The following ANKRD18A variants were observed in gnomAD, a reference collection of about 807,000 sequenced individuals.
ANKRD18A encodes ankyrin repeat domain-containing protein 18A.
ANKRD18A carries 72 observed loss-of-function variants against 110.6 expected under a neutral mutation model. The observed-to-expected ratio is 0.65, with a 90% CI of 0.54 to 0.79. ANKRD18A has a LOEUF of 0.79. ANKRD18A is among the 30% of genes least tolerant of loss of function. The pLI, the probability that ANKRD18A is intolerant of heterozygous loss-of-function variation, is 0.00. For synonymous variants in ANKRD18A, 305 were observed against 410.3 expected, an observed-to-expected ratio of 0.74 and a Z score of 3.10; for missense variants, 934 against 1,163.3, an observed-to-expected ratio of 0.80 and a Z score of 2.87.
At chr9:38,596,436 C>A in intron 8 of ANKRD18A, 33 bp from the exon 9 acceptor site, 1 of 1,391,276 alleles carries the variant, frequency 7.2e-7, no homozygotes, top group South Asian at 1.7e-5. Flanking sequence ...TTAGTTAGCA[C>A]TCAATAAAAT....
At chr9:38,607,323 C>G (rs1825405753) in intron 6 of ANKRD18A, 103 bp downstream of exon 6, 1 of 937,138 alleles carries the variant, frequency 1.1e-6, no homozygotes, top group African/African-American at 1.8e-5. Flanking sequence ...TCCCAAAGTG[C>G]TGGGATTACA....
At chr9:38,587,388 A>C (rs1824432780) in intron 11 of ANKRD18A, among the ~76,000 whole-genome samples, 1 of 152,150 alleles carries the variant, frequency 6.6e-6, no homozygotes, top group South Asian at 2.1e-4. Flanking sequence ...CATTTTTTTA[A>C]AAAAAGTCTG....
At chr9:38,602,888 G>C (rs1470988549) in intron 7 of ANKRD18A, among the ~76,000 whole-genome samples, 2 of 152,108 alleles carry the variant, frequency 1.3e-5, no homozygotes, top group Non-Finnish European at 2.9e-5. Context: ...CAGGCTGCTG[G>C]ACCTCCAAGC....
intron 8 of ANKRD18A, among the ~76,000 whole-genome samples, chr9:38,597,973 C>T (rs1563968008): frequency 6.6e-6 from 1 of 152,008 alleles, no homozygotes; most frequent in Non-Finnish European, 1.5e-5. Flanking sequence ...TATTTGTTTC[C>T]AAAAACATTT....
At position 38,611,464 on chromosome 9, in the gene ANKRD18A, T is replaced by C; in HGVS notation, c.496-143A>G. On this transcript the variant is annotated intron_variant, in intron 3 of 15. Transcript: ENST00000399703. ...AAAGCAGTCCCGTCCCTTTCACTCC[T>C]CTGTGCTTTCCCACACACTGCCTTG... is the stretch of plus-strand genomic sequence containing the variant. 3.5e-6 allele frequency: 5 copies of C among 1,428,888 alleles called. No homozygotes were observed. In the South Asian group the frequency reaches 6.3e-5, roughly 18 times the overall value. The allele number at this position is 1,428,888 out of a possible 1,614,324, so 88.5% of individuals were successfully genotyped here. A position where few individuals can be genotyped will look rare whatever the true frequency, so the allele number is the denominator to read the frequency against.
chr9:38,599,095 C>T (rs1345848883), intron 8 of ANKRD18A, among the ~76,000 whole-genome samples: 2 of 152,174 alleles, frequency 1.3e-5, no homozygotes, highest in African/African-American at 4.8e-5. Flanking sequence ...TCTCTTTCTT[C>T]TTCTTCTCTG....
At chr9:38,569,823 G>T (rs1823575632), downstream of ANKRD18A, among the ~76,000 whole-genome samples, 1 of 152,144 alleles carries the variant, frequency 6.6e-6, no homozygotes, top group African/African-American at 2.4e-5. Flanking sequence ...TCCACTGAGG[G>T]TGGTCCTGGG....
In ANKRD18A at chr9:38,596,184, G is replaced by A. The variant is rs375316772; in HGVS notation, c.1156C>T (p.Arg386Trp). Residue 386 changes from arginine (R) to tryptophan (W), a missense_variant, in exon 9 of 16, where the codon CGG (arginine) becomes TGG (tryptophan). Arg to Trp is a moderately radical substitution (Grantham distance 101). This residue lies in a region of ANKRD18A where 630 missense variants were observed against 797.5 expected (regional missense o/e 0.79). Coordinates refer to ENST00000399703, the MANE Select transcript of ANKRD18A (RefSeq NM_147195.4). ...AGATCATTAAGCTGTTGCGAATACC[G>A]GGCCACTGTTTTTGTTATCATTTTT... is the stretch of plus-strand genomic sequence containing the variant. ...NEKMITKTVA[R>W]YSQQLNDLKA... is the part of the protein sequence containing the mutation. The A allele has an allele frequency of 4.9e-5, 76 of 1,540,612 alleles. No homozygotes were observed. The East Asian group carries it at 5.4e-4, about 11-fold the overall frequency.
chr9:38,614,855 C>T (rs528666957), intron 3 of ANKRD18A, among the ~76,000 whole-genome samples: 8 of 152,176 alleles, frequency 5.3e-5, no homozygotes, highest in African/African-American at 1.9e-4. Flanking sequence ...CTGTTTTTGC[C>T]GGGATGGGTA....
intron 12 of ANKRD18A, among the ~76,000 whole-genome samples, chr9:38,584,225 G>A (rs1824279584): frequency 6.6e-6 from 1 of 152,192 alleles, no homozygotes; most frequent in Non-Finnish European, 1.5e-5. Flanking sequence ...ACCCAGATTT[G>A]GCTGAACTAA....
chr9:38,581,600 T>C (rs1402781900), intron 12 of ANKRD18A, among the ~76,000 whole-genome samples: 1 of 152,156 alleles, frequency 6.6e-6, no homozygotes, highest in East Asian at 1.9e-4. Context: ...GGAATGACTT[T>C]TACTCTTCAC....
downstream of ANKRD18A, among the ~76,000 whole-genome samples, chr9:38,570,499 C>G (rs1360352837): frequency 6.6e-6 from 1 of 152,244 alleles, no homozygotes; most frequent in Non-Finnish European, 1.5e-5. Context: ...CAGGTCCCCA[C>G]TGACTAGGCT....
At chr9:38,577,781 A>T in intron 13 of ANKRD18A, 86 bp downstream of exon 13, 1 of 1,398,136 alleles carries the variant, frequency 7.2e-7, no homozygotes, top group Non-Finnish European at 9.4e-7. Context: ...CAGAGGAAAC[A>T]CAATATATAC....
chr9:38,569,984 T>C (rs914804916), downstream of ANKRD18A, among the ~76,000 whole-genome samples: 2 of 152,114 alleles, frequency 1.3e-5, no homozygotes, highest in Non-Finnish European at 2.9e-5. Flanking sequence ...CCCTCCAGGG[T>C]GCCCTGACTC....
chr9:38,606,627 G>A (rs1042094268), intron 6 of ANKRD18A, among the ~76,000 whole-genome samples: 11 of 152,090 alleles, frequency 7.2e-5, no homozygotes, highest in African/African-American at 2.4e-4. Context: ...TAGTAGTTAC[G>A]TTTGGAAGGA....
chr9:38,613,221 C>T (rs895048528), intron 3 of ANKRD18A, among the ~76,000 whole-genome samples: 1 of 150,474 alleles, frequency 6.6e-6, no homozygotes, highest in Non-Finnish European at 1.5e-5. Context: ...AACCTCTGCG[C>T]AGCAGACCAA....
In ANKRD18A at chr9:38,571,914, A is replaced by G; in HGVS notation, c.*131T>C. ...ATGAGAAACAATTAAAATTTCATGT[A>G]AATAGCCCAGTAATAAAGTTTTATG... is the stretch of plus-strand genomic sequence containing the variant. On this transcript the variant is annotated 3_prime_UTR_variant, in exon 16 of 16. Coordinates refer to ENST00000399703, the MANE Select transcript of ANKRD18A (RefSeq NM_147195.4). 6.9e-7 allele frequency: 1 copy of G among 1,445,826 alleles called. No homozygotes were observed. The highest frequency in any genetic ancestry group is 9.1e-7 in the Non-Finnish European group (1 of 1,093,122). 89.6% of individuals were successfully genotyped at this position (1,445,826 alleles called of 1,614,324 possible).
At chr9:38,617,260 T>C (rs567823060) in intron 1 of ANKRD18A, among the ~76,000 whole-genome samples, 1 of 152,242 alleles carries the variant, frequency 6.6e-6, no homozygotes, top group South Asian at 2.1e-4. Flanking sequence ...GCCAACATAG[T>C]GAAACTCTGT....
At chr9:38,609,068 T>A (rs1381173388) in intron 5 of ANKRD18A, among the ~76,000 whole-genome samples, 1 of 152,128 alleles carries the variant, frequency 6.6e-6, no homozygotes, top group African/African-American at 2.4e-5. Context: ...AAATAAGATT[T>A]TTAGTGTTGG....
Sources: allele counts gnomAD v4.1 joint callset (sites outside exome capture counted in the v4.1 genomes callset), GRCh38; gene constraint gnomAD v4.1.1; regional missense constraint gnomAD v4.1.1; transcripts MANE v1.5; gene names NCBI Gene and HGNC (gene_info 2026-07-23, HGNC 2026-07-21).